SSH2: variants seen among roughly 807,000 people sequenced by gnomAD.
The protein encoded by SSH2 is protein phosphatase Slingshot homolog 2.
Under a neutral mutation model 135.2 loss-of-function variants are expected in SSH2, and 37 were observed. That is an observed-to-expected ratio of 0.27 (90% CI 0.21 to 0.36). The LOEUF (loss-of-function observed/expected upper bound fraction) is 0.36, where lower values mean the gene tolerates loss of function less well. Ranked by LOEUF, SSH2 falls within the 10% of genes least tolerant of loss-of-function variation. The pLI is 1.00. For missense variants in SSH2, 1,408 were observed against 1,765.3 expected, an observed-to-expected ratio of 0.80 and a Z score of 3.63; for synonymous variants, 628 against 646.2, an observed-to-expected ratio of 0.97 and a Z score of 0.43.
rs780131112 is a variant in SSH2, at chr17:29,630,820, G to A, written c.*21C>T. 1 of 1,513,930 alleles carries A rather than the reference G, an allele frequency of 6.6e-7. No homozygotes were observed. The highest frequency in any genetic ancestry group is 1.3e-5 in the South Asian group (1 of 75,110). 93.8% of individuals were successfully genotyped at this position (1,513,930 alleles called of 1,614,324 possible). A position where few individuals can be genotyped will look rare whatever the true frequency, so the allele number is the denominator to read the frequency against. ...CTTTTACAAACATTTCTTCTAGAAA[G>A]TCACATGTGTAGGCTCAGAATCACA... is the stretch of plus-strand genomic sequence containing the variant. On this transcript the variant is annotated 3_prime_UTR_variant, in exon 16 of 16. Coordinates refer to ENST00000540801, the MANE Select transcript of SSH2 (RefSeq NM_001282129.2).
intron 1 of SSH2, among the ~76,000 whole-genome samples, chr17:29,865,065 T>C (rs2065831425): frequency 6.6e-6 from 1 of 152,212 alleles, no homozygotes; most frequent in East Asian, 1.9e-4. Context: ...AGTTAAGCAG[T>C]GGGTTTCCAA....
rs533347525 is a variant in SSH2, at chr17:29,681,124, A to C, written c.480-3383T>G. Among the ~76,000 whole-genome samples the C allele has an allele frequency of 2.6e-5, 4 of 151,792 alleles. No individual in the cohort carries two copies. The South Asian group carries it at 8.3e-4, about 32-fold the overall frequency. ...GGGAAGCAGAGGCGGGCGGATCACG[A>C]GGTCGAGATAGAGACCATCCTGGTC... On this transcript the variant is annotated intron_variant, in intron 6 of 15. Coordinates refer to ENST00000540801, the MANE Select transcript of SSH2 (RefSeq NM_001282129.2).
At chr17:29,922,836 A>G (rs2066998923) in intron 1 of SSH2, among the ~76,000 whole-genome samples, 1 of 152,364 alleles carries the variant, frequency 6.6e-6, no homozygotes, top group African/African-American at 2.4e-5. Flanking sequence ...AAAAATGAGC[A>G]TTCTTATACT....
At chr17:29,694,380 G>C (rs2038629213) in intron 5 of SSH2, among the ~76,000 whole-genome samples, 1 of 152,104 alleles carries the variant, frequency 6.6e-6, no homozygotes, top group South Asian at 2.1e-4. Flanking sequence ...GACTTAAGAA[G>C]ACAATAGGGG....
At chr17:29,690,457 T>C (rs1241993899) in intron 5 of SSH2, among the ~76,000 whole-genome samples, 1 of 151,032 alleles carries the variant, frequency 6.6e-6, no homozygotes, top group Non-Finnish European at 1.5e-5. Flanking sequence ...CTTACATGCA[T>C]GCCCCTGTGT....
At position 29,632,576 on chromosome 17, in the gene SSH2, C is replaced by A. The variant is rs2150962299; in HGVS notation, c.2618G>T (p.Gly873Val). Reference sequence around the variant, plus strand: ...CCCTGAGCCCTGGAGCTCTTGTTCCCCCTCAGCTGGTTCCCCTTCTTCCAA... The same window carrying A: ...CCCTGAGCCCTGGAGCTCTTGTTCCACCTCAGCTGGTTCCCCTTCTTCCAA... ...ADLEEGEPAE[G>V]EQELQGSGMH... The change falls in exon 16 of 16, where the codon GGG becomes GTG. Residue 873 changes from glycine (G) to valine (V), a missense_variant. By Grantham distance (109) the Gly-to-Val change is moderately radical. Coordinates refer to ENST00000540801, the MANE Select transcript of SSH2 (RefSeq NM_001282129.2). The A allele has an allele frequency of 6.2e-7, 1 of 1,614,180 alleles. No homozygotes were observed. Among genetic ancestry groups the A allele is most frequent in the Middle Eastern group, 1.6e-4 (1 of 6,062 alleles).
intron 3 of SSH2, among the ~76,000 whole-genome samples, chr17:29,766,374 C>CT (rs2041447825): frequency 6.6e-6 from 1 of 151,652 alleles, no homozygotes. Flanking sequence ...AGGAGAATCG[C>CT]TTGAACCCGG....
chr17:29,803,535 T>C (rs1178583383), intron 2 of SSH2, among the ~76,000 whole-genome samples: 1 of 152,190 alleles, frequency 6.6e-6, no homozygotes, highest in Non-Finnish European at 1.5e-5. Flanking sequence ...GGCTCAGAGC[T>C]GGCATAGTGT....
At chr17:29,773,019 G>GTCCGTCCA (rs2041620070) in intron 3 of SSH2, among the ~76,000 whole-genome samples, 1 of 146,886 alleles carries the variant, frequency 6.8e-6, no homozygotes, top group African/African-American at 2.5e-5. Flanking sequence ...TTCCCCATCT[G>GTCCGTCCA]TCCATCCATC....
chr17:29,696,430 T>G (rs2038749195), intron 4 of SSH2, among the ~76,000 whole-genome samples: 2 of 146,820 alleles, frequency 1.4e-5, no homozygotes, highest in Admixed American at 1.4e-4. Context: ...TATACACATA[T>G]ATGTGTGTGT....
Position 29,875,585 on chromosome 17 carries a change from GA to G in SSH2, c.64-26657del, listed in dbSNP as rs1009402238. The stretch of plus-strand genomic sequence containing the variant: ...CAGTTGTATTCCCATAGTTCTTGGG[GA>G]AAAAAATCAAAACTTCTTACTACAG... On this transcript the variant is annotated intron_variant, in intron 1 of 15. Transcript: ENST00000540801. Among the ~76,000 whole-genome samples the G allele has an allele frequency of 2.0e-5, 3 of 151,988 alleles. No homozygotes were observed. In the East Asian group the frequency reaches 5.8e-4, roughly 29 times the overall value.
At chr17:29,844,295 GATAA>G (rs1358518098) in intron 2 of SSH2, among the ~76,000 whole-genome samples, 1 of 152,148 alleles carries the variant, frequency 6.6e-6, no homozygotes, top group African/African-American at 2.4e-5. Context: ...AGGGAAATGA[GATAA>G]ATAAGTTTTA....
At chr17:29,734,281 C>A (rs1035566127) in intron 3 of SSH2, among the ~76,000 whole-genome samples, 1 of 152,102 alleles carries the variant, frequency 6.6e-6, no homozygotes, top group Non-Finnish European at 1.5e-5. Context: ...CATAGAAAGG[C>A]TTTCTATGCC....
chr17:29,642,991 A>G, intron 14 of SSH2: 1 of 392,928 alleles, frequency 2.5e-6, no homozygotes, highest in South Asian at 1.1e-4. Flanking sequence ...AAACCACCAC[A>G]GGCCTCTTGG....
intron 2 of SSH2, among the ~76,000 whole-genome samples, chr17:29,810,747 A>G (rs988449915): frequency 6.6e-6 from 1 of 152,180 alleles, no homozygotes; most frequent in African/African-American, 2.4e-5. Context: ...TGTGACTGTG[A>G]GAATCTCATC....
At chr17:29,874,806 G>A (rs1329347658) in intron 1 of SSH2, among the ~76,000 whole-genome samples, 3 of 152,134 alleles carry the variant, frequency 2.0e-5, no homozygotes. Flanking sequence ...AGAACATGGA[G>A]ATGCAGAATT....
intron 1 of SSH2, among the ~76,000 whole-genome samples, chr17:29,856,657 G>A (rs1371940294): frequency 6.6e-6 from 1 of 152,134 alleles, no homozygotes; most frequent in Non-Finnish European, 1.5e-5. Context: ...AACTAAGAAG[G>A]TGTCAAAGAG....
intron 1 of SSH2, among the ~76,000 whole-genome samples, chr17:29,861,489 T>C (rs2151407141): frequency 6.6e-6 from 1 of 152,304 alleles, no homozygotes; most frequent in African/African-American, 2.4e-5. Flanking sequence ...TATGTTAAGA[T>C]AACATATTTA....
chr17:29,642,576 C>G (rs571689523), intron 14 of SSH2, among the ~76,000 whole-genome samples: 4 of 151,952 alleles, frequency 2.6e-5, no homozygotes, highest in South Asian at 2.1e-4. Flanking sequence ...CCACCCCCCC[C>G]ACCGCCTCTT....
Sources: allele counts gnomAD v4.1 joint callset (sites outside exome capture counted in the v4.1 genomes callset), GRCh38; gene constraint gnomAD v4.1.1; transcripts MANE v1.5; gene names NCBI Gene and HGNC (gene_info 2026-07-23, HGNC 2026-07-21).